MACROD1: variants seen among roughly 807,000 people sequenced by gnomAD.
MACROD1 encodes the protein mono-ADP ribosylhydrolase 1.
Under a neutral mutation model 41.4 loss-of-function variants are expected in MACROD1, and 31 were observed. The observed-to-expected ratio is 0.75, with a 90% CI of 0.56 to 1.01. MACROD1 has a LOEUF of 1.01. MACROD1 is among the 50% of genes least tolerant of loss of function. The probability of loss-of-function intolerance (pLI) is 0.00; values close to 1 mark genes in which losing one functional copy is unlikely to be tolerated. For synonymous variants in MACROD1, 252 were observed against 203.4 expected (o/e 1.24, Z -2.03); for missense variants, 473 against 460.0 (o/e 1.03, Z -0.26).
chr11:64,110,011 C>T (rs912761193), intron 3 of MACROD1, among the ~76,000 whole-genome samples: 1 of 152,160 alleles, frequency 6.6e-6, no homozygotes, highest in Non-Finnish European at 1.5e-5. Flanking sequence ...TCGGGGGCAT[C>T]CAGATCACAC....
chr11:64,094,123 C>T (rs2134533799), intron 3 of MACROD1, among the ~76,000 whole-genome samples: 1 of 152,298 alleles, frequency 6.6e-6, no homozygotes, highest in African/African-American at 2.4e-5. Context: ...ATGGTGAAAC[C>T]CCGACTCTAT....
intron 3 of MACROD1, among the ~76,000 whole-genome samples, chr11:64,020,978 A>C (rs1943144744): frequency 6.6e-6 from 1 of 151,624 alleles, no homozygotes; most frequent in Admixed American, 6.6e-5. Context: ...CGGTCTCCCA[A>C]AGCGCTAGGA....
chr11:64,119,050 CCTGT>C (rs1325028191), intron 3 of MACROD1: 5 of 167,400 alleles, frequency 3.0e-5, no homozygotes, highest in East Asian at 1.9e-4. Context: ...CATCTGTCTG[CCTGT>C]CTATCCCTGT....
intron 3 of MACROD1, among the ~76,000 whole-genome samples, chr11:64,125,112 G>A (rs535574390): frequency 1.3e-5 from 2 of 151,940 alleles, no homozygotes; most frequent in South Asian, 4.2e-4. Flanking sequence ...CCCGCCCCTT[G>A]TCACTGAAAT....
intron 3 of MACROD1, among the ~76,000 whole-genome samples, chr11:64,071,995 G>C (rs886877374): frequency 6.6e-6 from 1 of 152,346 alleles, no homozygotes; most frequent in Admixed American, 6.5e-5. Context: ...CTCCTGAGCC[G>C]CTCCAGCAGG....
At chr11:64,004,965 G>T (rs1320735460) in intron 4 of MACROD1, among the ~76,000 whole-genome samples, 2 of 152,102 alleles carry the variant, frequency 1.3e-5, no homozygotes, top group Non-Finnish European at 2.9e-5. Flanking sequence ...GGGCCAGGGG[G>T]GTTAAGCAAC....
At chr11:64,095,149 G>A (rs562556755) in intron 3 of MACROD1, among the ~76,000 whole-genome samples, 26 of 152,330 alleles carry the variant, frequency 1.7e-4, no homozygotes, top group African/African-American at 5.1e-4. Flanking sequence ...GGGAAGGAAC[G>A]ACATTCCACT....
At chr11:64,034,907 AG>A (rs1943345034) in intron 3 of MACROD1, among the ~76,000 whole-genome samples, 1 of 152,110 alleles carries the variant, frequency 6.6e-6, no homozygotes. Flanking sequence ...TCCCTTACTT[AG>A]TGTCCCAGCG....
At chr11:64,032,754 C>T (rs1312535111) in intron 3 of MACROD1, among the ~76,000 whole-genome samples, 2 of 152,098 alleles carry the variant, frequency 1.3e-5, no homozygotes, top group South Asian at 2.1e-4. Context: ...CCCAGGGGCT[C>T]GGCAAGGGTT....
chr11:64,055,274 C>T (rs184622575), intron 3 of MACROD1, among the ~76,000 whole-genome samples: 40 of 152,316 alleles, frequency 2.6e-4, no homozygotes, highest in African/African-American at 9.4e-4. Context: ...GAGCGGGACA[C>T]CATGCAGTGG....
At chr11:64,141,027 C>T (rs1397160833) in intron 3 of MACROD1, among the ~76,000 whole-genome samples, 1 of 152,104 alleles carries the variant, frequency 6.6e-6, no homozygotes, top group Non-Finnish European at 1.5e-5. Context: ...CCCAGCAACT[C>T]GGGAGGCTAA....
chr11:64,109,714 G>C (rs1191207582), intron 3 of MACROD1, among the ~76,000 whole-genome samples: 1 of 152,158 alleles, frequency 6.6e-6, no homozygotes, highest in Non-Finnish European at 1.5e-5. Flanking sequence ...GGGGATGGTT[G>C]ATGGCCCCAT....
intron 3 of MACROD1, among the ~76,000 whole-genome samples, chr11:64,099,594 G>A (rs947006209): frequency 2.0e-5 from 3 of 151,742 alleles, no homozygotes; most frequent in African/African-American, 7.3e-5. Flanking sequence ...ATGGAGAGAC[G>A]GATGGAAGGA....
intron 3 of MACROD1, chr11:64,148,833 C>T (rs1335813129): frequency 9.1e-6 from 9 of 985,516 alleles, no homozygotes; most frequent in Non-Finnish European, 9.6e-6. Flanking sequence ...CTGGTGGGCA[C>T]AGGGGCTGGG....
At chr11:64,016,459 C>T (rs969399026) in intron 3 of MACROD1, among the ~76,000 whole-genome samples, 2 of 152,342 alleles carry the variant, frequency 1.3e-5, no homozygotes, top group South Asian at 2.1e-4. Flanking sequence ...GCTTTGCTAC[C>T]CACCCCATCT....
chr11:64,144,804 C>G (rs546404898), intron 3 of MACROD1, among the ~76,000 whole-genome samples: 36 of 152,242 alleles, frequency 2.4e-4, no homozygotes, highest in Non-Finnish European at 4.4e-4. Flanking sequence ...CAAGCCTCAG[C>G]AAACACATTA....
intron 3 of MACROD1, among the ~76,000 whole-genome samples, chr11:64,030,906 G>A (rs1377106224): frequency 6.6e-6 from 1 of 151,840 alleles, no homozygotes; most frequent in Admixed American, 6.6e-5. Context: ...AAGGAAGGTG[G>A]GTGGGTGGTG....
At chr11:64,124,651 G>C (rs188443667) in intron 3 of MACROD1, among the ~76,000 whole-genome samples, 1 of 151,890 alleles carries the variant, frequency 6.6e-6, no homozygotes, top group African/African-American at 2.4e-5. Flanking sequence ...TGTGCCTGGA[G>C]ACCCCCAAAG....
intron 3 of MACROD1, among the ~76,000 whole-genome samples, chr11:64,075,916 C>T (rs182978326): frequency 4.7e-4 from 72 of 152,344 alleles, no homozygotes; most frequent in African/African-American, 1.5e-3. Flanking sequence ...TCAAGTGATC[C>T]ACCCGCCTCG....
Sources: allele counts gnomAD v4.1 joint callset (sites outside exome capture counted in the v4.1 genomes callset), GRCh38; gene constraint gnomAD v4.1.1; transcripts MANE v1.5; gene names NCBI Gene and HGNC (gene_info 2026-07-23, HGNC 2026-07-21).